PLA2G12B: variants seen among roughly 807,000 people sequenced by gnomAD.
The protein encoded by PLA2G12B is phospholipase A2 group XIIB.
PLA2G12B carries 19 observed loss-of-function variants against 22.3 expected under a neutral mutation model. That is an observed-to-expected ratio of 0.85 (90% CI 0.60 to 1.25). The LOEUF (loss-of-function observed/expected upper bound fraction) is 1.25. Among genes scored for constraint, PLA2G12B ranks in the 50% most tolerant of loss-of-function variants. PLA2G12B has a pLI of 0.00. For missense variants in PLA2G12B, 191 were observed against 246.6 expected, an observed-to-expected ratio of 0.77 and a Z score of 1.51; for synonymous variants, 81 against 94.9, an observed-to-expected ratio of 0.85 and a Z score of 0.85.
At chr10:72,938,636 T>C (rs78077522) in intron 3 of PLA2G12B, among the ~76,000 whole-genome samples, 6,263 of 152,190 alleles carry the variant, frequency 0.041, 202 homozygotes, top group Non-Finnish European at 0.059. Flanking sequence ...AAGTCCAAGA[T>C]TTGTACTGTG....
At chr10:72,938,128 AAAG>A (rs1298876399) in intron 3 of PLA2G12B, among the ~76,000 whole-genome samples, 13 of 151,184 alleles carry the variant, frequency 8.6e-5, no homozygotes, top group African/African-American at 3.1e-4. Context: ...AAAAAAAAAA[AAAG>A]AAAGAAAGAA....
intron 1 of PLA2G12B, among the ~76,000 whole-genome samples, chr10:72,952,511 G>A (rs1161072187): frequency 1.3e-5 from 2 of 152,204 alleles, no homozygotes; most frequent in Non-Finnish European, 2.9e-5. Context: ...GTGAGTTTGA[G>A]AACCACTACT....
intron 3 of PLA2G12B, among the ~76,000 whole-genome samples, chr10:72,937,032 A>G (rs1007101635): frequency 6.6e-6 from 1 of 152,154 alleles, no homozygotes; most frequent in Non-Finnish European, 1.5e-5. Context: ...TAACACGGTG[A>G]AACCTTGTCT....
At chr10:72,944,957 C>T (rs1000841054) in intron 1 of PLA2G12B, among the ~76,000 whole-genome samples, 1 of 152,182 alleles carries the variant, frequency 6.6e-6, no homozygotes, top group African/African-American at 2.4e-5. Context: ...TTCCCTCTGG[C>T]CAGACCTTAA....
intron 3 of PLA2G12B, among the ~76,000 whole-genome samples, chr10:72,939,209 G>T (rs141822676): frequency 9.9e-5 from 15 of 152,238 alleles, no homozygotes; most frequent in African/African-American, 3.6e-4. Context: ...CATTTAAGTG[G>T]GTGAATTGTA....
At chr10:72,953,150 C>T (rs1283342434) in intron 1 of PLA2G12B, among the ~76,000 whole-genome samples, 2 of 152,138 alleles carry the variant, frequency 1.3e-5, no homozygotes, top group Non-Finnish European at 2.9e-5. Flanking sequence ...CCAGGTGGGT[C>T]CTAACAGACC....
intron 1 of PLA2G12B, among the ~76,000 whole-genome samples, chr10:72,944,043 C>T (rs1301175764): frequency 6.6e-6 from 1 of 151,176 alleles, no homozygotes; most frequent in Non-Finnish European, 1.5e-5. Flanking sequence ...TTCCTTCCTT[C>T]CCACCTTCTT....
rs562716785 is a variant in PLA2G12B at position 72,946,576 on chromosome 10, A to G, written c.212-3836T>C. ...CCAGCAGCAATGCGTGAGGGTTCCC[A>G]TTTCTCCACATCCTCACTAACACTT... is the stretch of plus-strand genomic sequence containing the variant. On this transcript the variant is annotated intron_variant, in intron 1 of 3. Transcript: ENST00000373032. Among the ~76,000 whole-genome samples the G allele has an allele frequency of 3.3e-5, 5 of 152,268 alleles. No homozygotes were observed. In the South Asian group the frequency reaches 1.0e-3, roughly 32 times the overall value.
rs1025879026 is a variant in PLA2G12B at position 72,935,435 on chromosome 10, T to C, written c.*182A>G. Reference sequence around the variant, plus strand: ...GTAGCTTTCAAACCACTCCATGTCTTTTTTCAAATTTCCTCAAAGGATAGG... The same window carrying C: ...GTAGCTTTCAAACCACTCCATGTCTCTTTTCAAATTTCCTCAAAGGATAGG... On this transcript the variant is annotated 3_prime_UTR_variant, in exon 4 of 4. Coordinates refer to ENST00000373032, the MANE Select transcript of PLA2G12B (RefSeq NM_032562.5). 13 of 888,430 alleles carry C rather than the reference T, an allele frequency of 1.5e-5. No homozygotes were observed. The Admixed American group carries it at 3.5e-4, about 24-fold the overall frequency. 55.0% of individuals were successfully genotyped at this position (888,430 alleles called of 1,614,324 possible).
At chr10:72,947,701 CCT>C (rs1326778235) in intron 1 of PLA2G12B, among the ~76,000 whole-genome samples, 1 of 152,180 alleles carries the variant, frequency 6.6e-6, no homozygotes, top group African/African-American at 2.4e-5. Context: ...GCAGTCATTC[CCT>C]GTCTCAGGCA....
In PLA2G12B at chr10:72,935,530, G is replaced by T. The variant is rs541191817; in HGVS notation, c.*87C>A. The T allele has an allele frequency of 1.3e-6, 2 of 1,547,092 alleles. No individual in the cohort carries two copies. Among genetic ancestry groups the T allele is most frequent in the Non-Finnish European group, 1.8e-6 (2 of 1,140,644 alleles). On this transcript the variant is annotated 3_prime_UTR_variant, in exon 4 of 4. Transcript: ENST00000373032. ...GTGGTGTCCAAACTGTTGGAAGAAC[G>T]AATGAGTCACGCTGACTCGAAGACT...
At position 72,935,738 on chromosome 10, in the gene PLA2G12B, G is replaced by A. The variant is rs548989838; in HGVS notation, c.467C>T (p.Ala156Val). ...AGTGTCAACCAGGGAATCACAGGCT[G>A]CTTGAAAAAGATGAAGAGGGACAGA... is the stretch of plus-strand genomic sequence containing the variant. ...RSLGFVSKVE[A>V]ACDSLVDTVF... The change falls in exon 4 of 4, where the codon GCA becomes GTA. Residue 156 changes from alanine to valine, a missense_variant and splice_region_variant. By Grantham distance (64) the Ala-to-Val change is moderately conservative. Transcript: ENST00000373032. The A allele has an allele frequency of 1.9e-6, 3 of 1,612,934 alleles. No individual in the cohort carries two copies. Among genetic ancestry groups the A allele is most frequent in the South Asian group, 2.2e-5 (2 of 90,752 alleles).
intron 2 of PLA2G12B, 71 bp downstream of exon 2, chr10:72,942,581 A>T: frequency 1.6e-6 from 2 of 1,249,328 alleles, no homozygotes; most frequent in Non-Finnish European, 2.2e-6. Flanking sequence ...AATCACTTCC[A>T]TCAAGGATAA....
intron 1 of PLA2G12B, among the ~76,000 whole-genome samples, chr10:72,954,239 A>C (rs1346404219): frequency 6.6e-6 from 1 of 152,184 alleles, no homozygotes; most frequent in South Asian, 2.1e-4. Flanking sequence ...ATAAACAACG[A>C]AGAATTTGTC....
chr10:72,951,294 G>A lies in PLA2G12B; in HGVS notation c.211+3181C>T, dbSNP rs189088179. ...AAACCCATGATTTTTCCATTACTAT[G>A]CTTATTTCTCAAAGTCTGGTTCAAA... On this transcript the variant is annotated intron_variant, in intron 1 of 3. Transcript: ENST00000373032. Among the ~76,000 whole-genome samples, 7 of 152,096 alleles carry A rather than the reference G, an allele frequency of 4.6e-5. No individual in the cohort carries two copies. In the East Asian group the frequency reaches 1.2e-3, roughly 25 times the overall value.
chr10:72,935,660 C>A lies in PLA2G12B; in HGVS notation c.545G>T (p.Arg182Leu). 6.2e-7 allele frequency: 1 copy of A among 1,614,166 alleles called. No homozygotes were observed. The highest frequency in any genetic ancestry group is 2.2e-5 in the East Asian group (1 of 44,880). The change falls in exon 4 of 4, where the codon CGG (arginine) becomes CTG (leucine). Residue 182 changes from arginine to leucine, a missense_variant. Physicochemically the swap from Arg to Leu is moderately radical, Grantham distance 102 (BLOSUM62 -2). Transcript: ENST00000373032. ...CTCCTCTGCACAGATGCAAGCTGCC[C>A]GCTGACTATTCATAAAGGGGCGGCA... Reference protein sequence around the residue: ...LGCRPFMNSQRAACICAEEEK... With the variant: ...LGCRPFMNSQLAACICAEEEK...
chr10:72,941,224 G>A lies in PLA2G12B; in HGVS notation c.411C>T (p.Leu137=), dbSNP rs377271378. 4 of 1,614,108 alleles carry A rather than the reference G, an allele frequency of 2.5e-6. No individual in the cohort carries two copies. The highest frequency in any genetic ancestry group is 3.4e-6 in the Non-Finnish European group (4 of 1,180,012). ...YRCDAKFRWC[L]HSICSDLKRS... Reference sequence around the variant, plus strand: ...GCTTAAGGTCAGAGCAGATCGAGTGGAGACACCATCGGAATTTTGCATCAC... The same window carrying A: ...GCTTAAGGTCAGAGCAGATCGAGTGAAGACACCATCGGAATTTTGCATCAC... The change falls in exon 3 of 4, where the codon CTC becomes CTT. Residue 137 remains leucine (L), a synonymous_variant. Transcript: ENST00000373032.
Position 72,935,649 on chromosome 10 carries a change from T to C in PLA2G12B, c.556A>G (p.Ile186Val). The C allele has an allele frequency of 3.7e-6, 6 of 1,614,202 alleles. No individual in the cohort carries two copies. Among genetic ancestry groups the C allele is most frequent in the Non-Finnish European group, 5.1e-6 (6 of 1,180,016 alleles). ...TCTTCCTTCTCCTCCTCTGCACAGA[T>C]GCAAGCTGCCCGCTGACTATTCATA... ...PFMNSQRAACICAEEEKEEL is the reference protein window; with the variant it reads ...PFMNSQRAACVCAEEEKEEL Residue 186 changes from isoleucine to valine, a missense_variant, in exon 4 of 4, where the codon ATC becomes GTC. Physicochemically the swap from Ile to Val is conservative, Grantham distance 29. Transcript: ENST00000373032.
chr10:72,954,612 G>C lies in PLA2G12B; in HGVS notation c.74C>G (p.Pro25Arg), dbSNP rs1042625660. ...GGGLAQSDTS[P>R]DTEESYSDWG... The stretch of plus-strand genomic sequence containing the variant: ...GTCTGAATAGGACTCCTCCGTGTCA[G>C]GGCTCGTGTCGCTCTGAGCCAGGCC... Residue 25 changes from proline to arginine, a missense_variant, in exon 1 of 4, where the codon CCT becomes CGT. Physicochemically the swap from Pro to Arg is moderately radical, Grantham distance 103. Coordinates refer to ENST00000373032, the MANE Select transcript of PLA2G12B (RefSeq NM_032562.5). 2.5e-6 allele frequency: 4 copies of C among 1,614,072 alleles called. No homozygotes were observed. The highest frequency in any genetic ancestry group is 2.2e-5 in the East Asian group (1 of 44,890).
Sources: allele counts gnomAD v4.1 joint callset (sites outside exome capture counted in the v4.1 genomes callset), GRCh38; gene constraint gnomAD v4.1.1; transcripts MANE v1.5; gene names NCBI Gene and HGNC (gene_info 2026-07-23, HGNC 2026-07-21).